Variants in PGAP2 observed in about 807,000 individuals in gnomAD.
PGAP2 encodes acyltransferase PGAP2.
A neutral mutation model predicts 33.2 loss-of-function variants in PGAP2; 21 were observed. The observed-to-expected ratio is 0.63, with a 90% confidence interval of 0.45 to 0.91. The LOEUF is 0.91. Ranked by LOEUF, PGAP2 falls within the 40% of genes least tolerant of loss-of-function variation. PGAP2 has a pLI of 0.00. For synonymous variants in PGAP2, 161 were observed against 172.9 expected (o/e 0.93, Z 0.54); for missense variants, 345 against 424.0 (o/e 0.81, Z 1.64).
At chr11:3,801,914 C>T (rs2134133470) in intron 1 of PGAP2, among the ~76,000 whole-genome samples, 1 of 152,172 alleles carries the variant, frequency 6.6e-6, no homozygotes, top group South Asian at 2.1e-4. Flanking sequence ...CACCATACTC[C>T]AGCCTCAGCC....
At chr11:3,802,901 A>G (rs576693222) in intron 1 of PGAP2, among the ~76,000 whole-genome samples, 2 of 142,952 alleles carry the variant, frequency 1.4e-5, no homozygotes, top group Admixed American at 1.5e-4. Context: ...ATCTCGGCTC[A>G]CTGCAAGCTC....
chr11:3,799,182 T>C (rs1160137363), intron 1 of PGAP2, among the ~76,000 whole-genome samples: 1 of 152,194 alleles, frequency 6.6e-6, no homozygotes. Context: ...AGGTGGGCAT[T>C]TTCTAGAAAC....
In PGAP2 at chr11:3,825,176, A is replaced by G. The variant is rs748946710; in HGVS notation, c.817+48A>G. ...AGGCGGTCATGAGTGGCTGCGGGGC[A>G]GCAATGATGTTTTTGATAATGGGCA... is the stretch of plus-strand genomic sequence containing the variant. On this transcript the variant is annotated intron_variant, in intron 6 of 6. Transcript: ENST00000278243. The G allele has an allele frequency of 2.4e-5, 39 of 1,594,662 alleles. No homozygotes were observed. The South Asian group carries it at 3.8e-4, about 15-fold the overall frequency.
upstream of PGAP2, among the ~76,000 whole-genome samples, chr11:3,805,328 C>T (rs1400147473): frequency 1.4e-5 from 2 of 139,130 alleles, no homozygotes; most frequent in Non-Finnish European, 3.0e-5. Flanking sequence ...GTGGTATGAT[C>T]TCAGTTGACT....
At chr11:3,815,958 C>A (rs2086909739) in intron 2 of PGAP2, among the ~76,000 whole-genome samples, 1 of 152,176 alleles carries the variant, frequency 6.6e-6, no homozygotes, top group Non-Finnish European at 1.5e-5. Flanking sequence ...TTATTGGAAA[C>A]CTGCCTATGA....
chr11:3,823,024 CTTTTTTTTTTTTTTTTTT>C (rs746736798), intron 3 of PGAP2: 45 of 307,656 alleles, frequency 1.5e-4, no homozygotes, highest in Non-Finnish European at 1.9e-4. Context: ...TTTTTCTTTT[CTTTTTTTTTTTTTTTTTT>C]TTTTTTTTTT....
intron 3 of PGAP2, among the ~76,000 whole-genome samples, chr11:3,819,832 G>GT (rs1190888488): frequency 6.6e-6 from 1 of 152,086 alleles, no homozygotes; most frequent in African/African-American, 2.4e-5. Context: ...CTGATTGTGT[G>GT]TATGTGTCTG....
intron 6 of PGAP2, 70 bp downstream of exon 6, chr11:3,825,198 G>C: frequency 6.4e-7 from 1 of 1,571,386 alleles, no homozygotes; most frequent in Non-Finnish European, 8.8e-7. Flanking sequence ...TTTGATAATG[G>C]GCAATGGTCT....
At chr11:3,808,206 G>T (rs2084790177), upstream of PGAP2, 2 of 1,507,452 alleles carry the variant, frequency 1.3e-6, no homozygotes, top group Non-Finnish European at 1.8e-6. Context: ...TGGATAGTTC[G>T]GTTAGAATGG....
exon 1 of PGAP2, chr11:3,797,970 C>G: frequency 2.6e-6 from 4 of 1,546,976 alleles, no homozygotes. Context: ...AGGGACGGCC[C>G]CAGAATGGCA....
chr11:3,815,257 C>G (rs1381059264), intron 2 of PGAP2, among the ~76,000 whole-genome samples: 1 of 151,568 alleles, frequency 6.6e-6, no homozygotes, highest in African/African-American at 2.4e-5. Flanking sequence ...GGCTTCAGGT[C>G]AGCCCTGTAG....
In PGAP2 at chr11:3,797,987, C is replaced by G. The variant is rs779819871; in HGVS notation, c.139+5C>G. 8.4e-6 allele frequency: 13 copies of G among 1,541,842 alleles called. No homozygotes were observed. In the East Asian group the frequency reaches 2.5e-4, roughly 30 times the overall value. On this transcript the variant is annotated splice_donor_5th_base_variant and intron_variant, in intron 1 of 6. Coordinates refer to the PGAP2 transcript ENST00000300730. ...GGACGGCCCCAGAATGGCATGGTAA[C>G]TATTCGACCCTTTCCTTGCCCCGGT...
At position 3,817,358 on chromosome 11, in the gene PGAP2, G is replaced by A. The variant is rs575675293; in HGVS notation, c.171G>A (p.Thr57=). The part of the protein sequence containing the change: ...KETTATHCGA[T]PCRMFSAASQ... The stretch of plus-strand genomic sequence containing the variant: ...GTATCCCTCGTGCTGCTTAGGCCAC[G>A]CCCTGCAGGATGTTCTCTGCGGCCT... Residue 57 remains threonine (T), a synonymous_variant, in exon 3 of 7, where the codon ACG becomes ACA. Coordinates refer to ENST00000278243, the MANE Select transcript of PGAP2 (RefSeq NM_014489.4). 1.7e-5 allele frequency: 27 copies of A among 1,612,876 alleles called. No homozygotes were observed. Among genetic ancestry groups the A allele is most frequent in the Admixed American group, 1.5e-4 (9 of 59,952 alleles).
At chr11:3,813,859 G>T (rs1402199245) in intron 2 of PGAP2, among the ~76,000 whole-genome samples, 1 of 152,118 alleles carries the variant, frequency 6.6e-6, no homozygotes, top group Admixed American at 6.6e-5. Context: ...AGGGCTGATG[G>T]CATCAATACC....
exon 1 of PGAP2, chr11:3,797,950 G>C (rs1232757744): frequency 1.9e-6 from 3 of 1,548,254 alleles, no homozygotes; most frequent in Non-Finnish European, 2.6e-6. Context: ...AGGGAGCTCG[G>C]GCCAATCAGA....
chr11:3,821,900 T>TAAA (rs34183866), intron 3 of PGAP2, among the ~76,000 whole-genome samples: 1 of 139,196 alleles, frequency 7.2e-6, no homozygotes, highest in African/African-American at 2.7e-5. Context: ...CTGTTGCTAC[T>TAAA]AAAAAAAAAA....
exon 1 of PGAP2, chr11:3,797,837 C>G: frequency 6.5e-7 from 1 of 1,550,104 alleles, no homozygotes; most frequent in Non-Finnish European, 8.7e-7. Flanking sequence ...TCGAAGTGGG[C>G]TTGTGAATGG....
At chr11:3,824,194 C>T (rs2089553033) in intron 4 of PGAP2, 59 bp downstream of exon 4, 1 of 1,612,624 alleles carries the variant, frequency 6.2e-7, no homozygotes, top group Non-Finnish European at 8.5e-7. Flanking sequence ...GGGCCTGCCC[C>T]TACCACATTC....
intron 1 of PGAP2, among the ~76,000 whole-genome samples, chr11:3,801,566 C>A (rs2083453144): frequency 6.8e-6 from 1 of 146,140 alleles, no homozygotes; most frequent in South Asian, 2.1e-4. Flanking sequence ...GGTGTGAACC[C>A]AGGAGGCGGA....
Sources: allele counts gnomAD v4.1 joint callset (sites outside exome capture counted in the v4.1 genomes callset), GRCh38; gene constraint gnomAD v4.1.1; transcripts MANE v1.5; gene names NCBI Gene and HGNC (gene_info 2026-07-23, HGNC 2026-07-21).